SLC38A9: variants seen among roughly 807,000 people sequenced by gnomAD.
SLC38A9 encodes the protein solute carrier family 38 member 9.
In SLC38A9, 48 loss-of-function variants were observed where a neutral mutation model predicts 62.3. The observed-to-expected ratio is 0.77, with a 90% CI of 0.61 to 0.98. The LOEUF (loss-of-function observed/expected upper bound fraction) is 0.98. Ranked by LOEUF, SLC38A9 falls within the 50% of genes least tolerant of loss-of-function variation. The pLI is 0.00. For missense variants in SLC38A9, 541 were observed against 679.8 expected, an observed-to-expected ratio of 0.80 and a Z score of 2.27; for synonymous variants, 204 against 227.7, an observed-to-expected ratio of 0.90 and a Z score of 0.94.
chr5:55,683,667 T>C (rs1561407441), intron 3 of SLC38A9, among the ~76,000 whole-genome samples: 1 of 152,236 alleles, frequency 6.6e-6, no homozygotes, highest in African/African-American at 2.4e-5. Context: ...TATTTTTCTG[T>C]CTGGCTTCTT....
At chr5:55,671,796 C>T (rs1257731211) in intron 4 of SLC38A9, among the ~76,000 whole-genome samples, 1 of 151,782 alleles carries the variant, frequency 6.6e-6, no homozygotes, top group Admixed American at 6.6e-5. Flanking sequence ...TGTGGTGAGC[C>T]GAGATTGCGC....
chr5:55,628,837 G>T (rs866544139), intron 14 of SLC38A9, among the ~76,000 whole-genome samples: 1 of 152,110 alleles, frequency 6.6e-6, no homozygotes, highest in Non-Finnish European at 1.5e-5. Context: ...TAATGTAGAT[G>T]AAAATTTGAT....
intron 2 of SLC38A9, among the ~76,000 whole-genome samples, chr5:55,710,067 C>CAAAAAAAAAAAAAAAAAAAAAAAAAAAA (rs1174162436): frequency 9.6e-5 from 2 of 20,842 alleles, no homozygotes; most frequent in East Asian, 1.3e-3. Context: ...GACTCCATCT[C>CAAAAAAAAAAAAAAAAAAAAAAAAAAAA]AAAAAAAAAA....
chr5:55,657,904 G>T (rs1748742044), intron 8 of SLC38A9: 1 of 152,124 alleles, frequency 6.6e-6, no homozygotes, highest in African/African-American at 2.4e-5. Context: ...TATCTCCAAA[G>T]GTTGTTTATG....
rs761268860 is a variant in SLC38A9 at position 55,626,473 on chromosome 5, G to GA, written c.*20dup. ...GGCTCAAAATATCATGAGAGCTCTT[G>GA]AAAAAAACAGTTGAGGTATTTCACA... On this transcript the variant is annotated 3_prime_UTR_variant, in exon 16 of 16. Coordinates refer to ENST00000396865, the MANE Select transcript of SLC38A9 (RefSeq NM_173514.4). 191 of 1,596,792 alleles carry GA rather than the reference G, an allele frequency of 1.2e-4. No homozygotes were observed. Among genetic ancestry groups the GA allele is most frequent in the Non-Finnish European group, 1.6e-4 (184 of 1,170,316 alleles).
At chr5:55,693,004 T>C (rs931615790) in intron 3 of SLC38A9, 3 of 984,504 alleles carry the variant, frequency 3.0e-6, no homozygotes, top group Non-Finnish European at 3.6e-6. Flanking sequence ...TATGTGCGAA[T>C]GAAAATAGGA....
At chr5:55,696,001 G>C (rs1176017929) in intron 3 of SLC38A9, 2 of 73,104 alleles carry the variant, frequency 2.7e-5, no homozygotes, top group Admixed American at 1.2e-4. Context: ...CCTCCCGGAC[G>C]GGGCAGCTGG....
intron 3 of SLC38A9, 70 bp from the exon 4 acceptor site, chr5:55,672,765 A>C: frequency 2.0e-6 from 3 of 1,493,948 alleles, no homozygotes; most frequent in African/African-American, 2.8e-5. Context: ...TTTGAAGAAA[A>C]TAACTTCTTA....
chr5:55,640,073 C>T (rs1240936551), intron 12 of SLC38A9, among the ~76,000 whole-genome samples: 12 of 145,512 alleles, frequency 8.2e-5, no homozygotes, highest in African/African-American at 3.0e-4. Flanking sequence ...GCAACCTCTG[C>T]CTCCTGGGTT....
rs78587345 is a variant in SLC38A9, at chr5:55,676,882, C to A, written c.114-4187G>T. On this transcript the variant is annotated intron_variant, in intron 3 of 15. Transcript: ENST00000396865. ...AAAAACATGTTACACAAAGAACATT[C>A]TGATAATAAATGTTTAGAAATGTTT... 4.1e-3 allele frequency among the ~76,000 whole-genome samples: 623 copies of A among 152,078 alleles called. 2 individuals are homozygous for A. The highest frequency in any genetic ancestry group is 0.014 in the African/African-American group (597 of 41,518).
chr5:55,664,212 G>T (rs1264245015), intron 8 of SLC38A9, among the ~76,000 whole-genome samples: 6 of 151,978 alleles, frequency 3.9e-5, no homozygotes, highest in Non-Finnish European at 7.4e-5. Flanking sequence ...GAAGTATTTG[G>T]ACTGATTTCT....
intron 2 of SLC38A9, among the ~76,000 whole-genome samples, chr5:55,698,704 A>G (rs1260698694): frequency 6.6e-6 from 1 of 152,238 alleles, no homozygotes; most frequent in African/African-American, 2.4e-5. Flanking sequence ...AGGCTGAGGC[A>G]GATCGCTTGA....
intron 12 of SLC38A9, among the ~76,000 whole-genome samples, chr5:55,641,521 T>G (rs1036442573): frequency 5.3e-5 from 8 of 152,256 alleles, no homozygotes; most frequent in African/African-American, 1.7e-4. Flanking sequence ...CTGGAGTCTC[T>G]TGTATGGCAG....
chr5:55,696,709 C>G (rs1208696892), intron 3 of SLC38A9: 1 of 33,466 alleles, frequency 3.0e-5, no homozygotes, highest in Admixed American at 2.8e-4. Context: ...GCTGACCCCC[C>G]CACCTCCCTC....
At chr5:55,646,063 C>T (rs557790036) in intron 11 of SLC38A9, among the ~76,000 whole-genome samples, 168 bp from the exon 12 acceptor site, 1 of 152,240 alleles carries the variant, frequency 6.6e-6, no homozygotes, top group South Asian at 2.1e-4. Context: ...TTGGGCGAAG[C>T]ACTCAAAAGG....
intron 3 of SLC38A9, among the ~76,000 whole-genome samples, chr5:55,688,898 C>A: frequency 6.6e-6 from 1 of 151,860 alleles, no homozygotes; most frequent in African/African-American, 2.4e-5. Flanking sequence ...TAAAGAAGGC[C>A]AATGCTTGCC....
Position 55,664,753 on chromosome 5 carries a change from T to C in SLC38A9, c.637A>G (p.Met213Val). ...LFSLVSLIGA[M>V]IVYWVLMSNF... ...GACATAAGCACCCAATAAACTATCATTGCTCCAATGAGAGACACCAAGGAG... is the reference window on the plus strand; with the variant it reads ...GACATAAGCACCCAATAAACTATCACTGCTCCAATGAGAGACACCAAGGAG... The change falls in exon 8 of 16, where the codon ATG becomes GTG. Residue 213 changes from methionine (M) to valine (V), a missense_variant. Coordinates refer to ENST00000396865, the MANE Select transcript of SLC38A9 (RefSeq NM_173514.4). 2 of 1,586,086 alleles carry C rather than the reference T, an allele frequency of 1.3e-6. No homozygotes were observed. The highest frequency in any genetic ancestry group is 1.7e-6 in the Non-Finnish European group (2 of 1,170,502).
chr5:55,668,506 T>C (rs960568810), intron 7 of SLC38A9, among the ~76,000 whole-genome samples: 1 of 152,202 alleles, frequency 6.6e-6, no homozygotes, highest in African/African-American at 2.4e-5. Context: ...TTGCTAGGGC[T>C]ACAGACACAC....
At chr5:55,712,042 T>A (rs964118746) in intron 1 of SLC38A9, among the ~76,000 whole-genome samples, 175 bp downstream of exon 1, 1 of 152,114 alleles carries the variant, frequency 6.6e-6, no homozygotes, top group African/African-American at 2.4e-5. Context: ...TCTCCGCGGC[T>A]CCAGGCTATG....
Sources: allele counts gnomAD v4.1 joint callset (sites outside exome capture counted in the v4.1 genomes callset), GRCh38; gene constraint gnomAD v4.1.1; transcripts MANE v1.5; gene names NCBI Gene and HGNC (gene_info 2026-07-23, HGNC 2026-07-21).